Variants in TMEM223 observed in about 807,000 individuals in gnomAD.
TMEM223 encodes the protein transmembrane protein 223.
A neutral mutation model predicts 14.1 loss-of-function variants in TMEM223; 14 were observed. That is an observed-to-expected ratio of 0.99 (90% CI 0.66 to 1.55). TMEM223 has a LOEUF of 1.55. Among genes scored for constraint, TMEM223 ranks in the 40% most tolerant of loss-of-function variants. The pLI is 0.00. For synonymous variants in TMEM223, 145 were observed against 120.5 expected (o/e 1.20, Z -1.33); for missense variants, 346 against 269.9 (o/e 1.28, Z -1.97).
chr11:62,774,678 C>T (rs1014775084), intron 1 of TMEM223: 2 of 454,910 alleles, frequency 4.4e-6, no homozygotes, highest in Non-Finnish European at 4.4e-6. Flanking sequence ...GTGAACAAAA[C>T]AGGTTCCAGC....
downstream of TMEM223, chr11:62,786,336 T>C: frequency 6.2e-7 from 1 of 1,614,214 alleles, no homozygotes; most frequent in South Asian, 1.1e-5. Flanking sequence ...GATTATTCAG[T>C]ATCTAATGCC....
chr11:62,782,550 C>A, downstream of TMEM223: 1 of 1,273,196 alleles, frequency 7.9e-7, no homozygotes, highest in Non-Finnish European at 1.1e-6. Context: ...AGGTCCTAGG[C>A]CAGTCACCCC....
downstream of TMEM223, among the ~76,000 whole-genome samples, chr11:62,784,914 G>A (rs1435637147): frequency 6.6e-6 from 1 of 152,168 alleles, no homozygotes; most frequent in Non-Finnish European, 1.5e-5. Context: ...TCCTTGTCTG[G>A]TTTTAGAATC....
At chr11:62,786,170 G>T, downstream of TMEM223, 1 of 1,495,154 alleles carries the variant, frequency 6.7e-7, no homozygotes, top group South Asian at 1.3e-5. Flanking sequence ...TCTAGGATCA[G>T]AGATAAAGGT....
At chr11:62,791,283 A>T (rs2134747990) in intron 1 of TMEM223, among the ~76,000 whole-genome samples, 1 of 151,470 alleles carries the variant, frequency 6.6e-6, no homozygotes, top group Admixed American at 6.6e-5. Context: ...TTGAGAGGGG[A>T]GTCTCGCTCG....
chr11:62,778,514 C>T, intron 1 of TMEM223: 2 of 707,888 alleles, frequency 2.8e-6, no homozygotes, highest in Non-Finnish European at 4.9e-6. Flanking sequence ...GATGGGGGCC[C>T]AGACCTGTAA....
downstream of TMEM223, chr11:62,782,750 G>A: frequency 6.2e-7 from 1 of 1,612,990 alleles, no homozygotes; most frequent in Non-Finnish European, 8.5e-7. Context: ...CCCTGCAGAA[G>A]ATCCTGGCAG....
chr11:62,772,639 G>A (rs954695308), intron 2 of TMEM223, among the ~76,000 whole-genome samples: 2 of 151,580 alleles, frequency 1.3e-5, no homozygotes, highest in Non-Finnish European at 2.9e-5. Flanking sequence ...AGACCAGCTT[G>A]GCTACCATGG....
chr11:62,778,562 G>C (rs1353982429), intron 1 of TMEM223: 1 of 631,404 alleles, frequency 1.6e-6, no homozygotes, highest in Admixed American at 2.7e-5. Flanking sequence ...TAAGACAGAA[G>C]TCTGGGCAGC....
chr11:62,787,272 C>T (rs1253921107), downstream of TMEM223: 1 of 1,560,790 alleles, frequency 6.4e-7, no homozygotes, highest in Non-Finnish European at 8.6e-7. Context: ...CGCTCTCGGA[C>T]TACTCGCTGT....
At position 62,791,921 on chromosome 11, in the gene TMEM223, A is replaced by G. The variant is rs1292502064; in HGVS notation, c.74T>C (p.Leu25Pro). Residue 25 changes from leucine (L) to proline (P), a missense_variant, in exon 1 of 2, where the codon CTG (leucine) becomes CCG (proline). Leu to Pro is a moderately conservative substitution (Grantham distance 98). Transcript: ENST00000307366. ...ATCCCGTTGCAGCGTCGTGCCTTGC[A>G]GGGGCCGGCAGGTGAGCAGGGGCCG... is the stretch of plus-strand genomic sequence containing the variant. ...VLRPLLTCRP[L>P]QGTTLQRDVL... The G allele has an allele frequency of 3.8e-6, 6 of 1,598,166 alleles. No individual in the cohort carries two copies. The highest frequency in any genetic ancestry group is 1.7e-4 in the Middle Eastern group (1 of 5,854).
chr11:62,778,112 T>C (rs1233137895), intron 1 of TMEM223: 5 of 1,614,054 alleles, frequency 3.1e-6, no homozygotes, highest in Non-Finnish European at 4.2e-6. Context: ...AAGGCTGTGC[T>C]GAGACAGCTG....
downstream of TMEM223, chr11:62,786,234 A>G: frequency 3.8e-6 from 6 of 1,599,134 alleles, no homozygotes; most frequent in Non-Finnish European, 5.1e-6. Flanking sequence ...AAGACATGCT[A>G]ACTGTATTCC....
At chr11:62,782,322 C>G (rs1269791517) in intron 1 of TMEM223, 1 of 1,613,518 alleles carries the variant, frequency 6.2e-7, no homozygotes. Flanking sequence ...TCCTGCTCAG[C>G]CACATCTTCT....
chr11:62,771,902 A>G (rs1244684335), exon 3 of TMEM223: 1 of 316,794 alleles, frequency 3.2e-6, no homozygotes, highest in Non-Finnish European at 6.3e-6. Context: ...CAGCTTCACA[A>G]CGATCTATTG....
At chr11:62,782,877 G>A, downstream of TMEM223, 1 of 1,600,876 alleles carries the variant, frequency 6.2e-7, no homozygotes, top group Non-Finnish European at 8.5e-7. Flanking sequence ...ATTTGTGTTA[G>A]AAAAATAGTA....
At chr11:62,786,596 G>A (rs1355569189), downstream of TMEM223, 1 of 1,580,926 alleles carries the variant, frequency 6.3e-7, no homozygotes, top group South Asian at 1.2e-5. Flanking sequence ...AGGGGGTGCC[G>A]GCGCCTGGAC....
chr11:62,790,149 T>G lies in TMEM223; in HGVS notation c.*474A>C. 1.9e-5 allele frequency: 23 copies of G among 1,222,460 alleles called. No individual in the cohort carries two copies. The highest frequency in any genetic ancestry group is 8.2e-5 in the East Asian group (3 of 36,712). The allele number at this position is 1,222,460 out of a possible 1,614,324, so 75.7% of individuals were successfully genotyped here. A position where few individuals can be genotyped will look rare whatever the true frequency, so the allele number is the denominator to read the frequency against. The stretch of plus-strand genomic sequence containing the variant: ...TATGTTGGGAGTCTTAGTTTTCCTT[T>G]CGTTGGGGGGTGGGGGGGAAACATA... On this transcript the variant is annotated 3_prime_UTR_variant, in exon 2 of 2. Coordinates refer to ENST00000307366, the MANE Select transcript of TMEM223 (RefSeq NM_001080501.3).
downstream of TMEM223, chr11:62,786,979 G>A: frequency 6.9e-7 from 1 of 1,447,732 alleles, no homozygotes. Flanking sequence ...TGGGCCCGCC[G>A]CCTCTGAGAG....
Sources: gnomAD v4.1 joint callset for allele counts (sites outside exome capture counted in the v4.1 genomes callset) on GRCh38, gnomAD v4.1.1 for gene constraint, MANE v1.5 for transcripts, NCBI Gene and HGNC (gene_info 2026-07-23, HGNC 2026-07-21) for gene names.